Variants in DIP2C observed in about 807,000 individuals in gnomAD.
DIP2C encodes the protein disco-interacting protein 2 homolog C.
In DIP2C, 33 loss-of-function variants were observed where a neutral mutation model predicts 192.4. That is an observed-to-expected ratio of 0.17 (90% CI 0.13 to 0.23). DIP2C has a LOEUF of 0.23. DIP2C is among the 10% of genes least tolerant of loss of function. DIP2C has a pLI of 1.00. For synonymous variants in DIP2C, 979 were observed against 864.1 expected, an observed-to-expected ratio of 1.13 and a Z score of -2.33; for missense variants, 1,537 against 2,110.1, an observed-to-expected ratio of 0.73 and a Z score of 5.32.
At position 277,237 on chromosome 10, in the gene DIP2C, G is replaced by A; in HGVS notation, c.*88C>T. On this transcript the variant is annotated 3_prime_UTR_variant, in exon 37 of 37. Coordinates refer to ENST00000280886, the MANE Select transcript of DIP2C (RefSeq NM_014974.3). The stretch of plus-strand genomic sequence containing the variant: ...TCACCACAAATGGCTGTATTCTGGT[G>A]AGTGTTGCCCTGTGTCTGCACGCTT... 1.9e-6 allele frequency: 3 copies of A among 1,544,196 alleles called. No homozygotes were observed. The highest frequency in any genetic ancestry group is 3.5e-5 in the Admixed American group (2 of 56,656).
chr10:660,258 A>G (rs1412863562), intron 1 of DIP2C, among the ~76,000 whole-genome samples: 4 of 151,848 alleles, frequency 2.6e-5, no homozygotes, highest in African/African-American at 9.7e-5. Flanking sequence ...CGGAGATTCT[A>G]GCCCTTGTCC....
intron 1 of DIP2C, among the ~76,000 whole-genome samples, chr10:529,425 C>T (rs1202536351): frequency 6.6e-6 from 1 of 152,170 alleles, no homozygotes; most frequent in African/African-American, 2.4e-5. Flanking sequence ...CTATTCACCA[C>T]GTTGCCATGC....
At chr10:543,595 T>C (rs1047816603) in intron 1 of DIP2C, among the ~76,000 whole-genome samples, 1 of 152,216 alleles carries the variant, frequency 6.6e-6, no homozygotes, top group African/African-American at 2.4e-5. Flanking sequence ...GTATGGATCG[T>C]TGTGTCTCCT....
intron 1 of DIP2C, among the ~76,000 whole-genome samples, chr10:585,854 C>G (rs1371980367): frequency 6.6e-6 from 1 of 152,188 alleles, no homozygotes; most frequent in Non-Finnish European, 1.5e-5. Context: ...CCATTCAAGA[C>G]TGAATTTTAT....
intron 5 of DIP2C, among the ~76,000 whole-genome samples, chr10:421,108 T>A (rs1183713815): frequency 6.6e-6 from 1 of 152,222 alleles, no homozygotes; most frequent in Non-Finnish European, 1.5e-5. Flanking sequence ...TCCAAAAAAA[T>A]TTCAAAGTTA....
At position 532,625 on chromosome 10, in the gene DIP2C, ATGGGTG is replaced by A. The variant is rs1481299958; in HGVS notation, c.86-46101_86-46096del. ...AGAGAGTATGGGTGTGAGAGAGAGT[ATGGGTG>A]TGAGAGAGAGTATGGGTGTGAGAGA... On this transcript the variant is annotated intron_variant, in intron 1 of 36. Coordinates refer to ENST00000280886, the MANE Select transcript of DIP2C (RefSeq NM_014974.3). 5.9e-5 allele frequency among the ~76,000 whole-genome samples: 6 copies of A among 101,936 alleles called. 1 individual carries two copies. The highest frequency in any genetic ancestry group is 2.6e-4 in the African/African-American group (6 of 23,278). 66.9% of individuals were successfully genotyped at this position (101,936 alleles called of 152,430 possible).
intron 1 of DIP2C, among the ~76,000 whole-genome samples, chr10:543,578 A>C (rs920623521): frequency 1.3e-5 from 2 of 152,218 alleles, no homozygotes; most frequent in Admixed American, 1.3e-4. Flanking sequence ...ATAGGCTGTA[A>C]CATATAGTAT....
intron 1 of DIP2C, among the ~76,000 whole-genome samples, chr10:496,690 G>C (rs575179866): frequency 6.7e-6 from 1 of 149,638 alleles, no homozygotes; most frequent in African/African-American, 2.5e-5. Flanking sequence ...TACATTACTC[G>C]CAATACCCCA....
At chr10:280,438 C>A (rs1278303409) in intron 36 of DIP2C, among the ~76,000 whole-genome samples, 1 of 151,988 alleles carries the variant, frequency 6.6e-6, no homozygotes, top group Non-Finnish European at 1.5e-5. Context: ...CTAAAGCCAA[C>A]GGTGTTGAGT....
chr10:384,097 T>G lies in DIP2C; in HGVS notation c.1806A>C (p.Ala602=), dbSNP rs1276614068. Residue 602 remains alanine (A), a synonymous_variant, in exon 16 of 37, where the codon GCA becomes GCC. Transcript: ENST00000280886. ...KSRDMHWALV[A]HRDQRDINLS... ...GGTTGATGTCTCTCTGATCTCTGTG[T>G]GCTACTAATGCCCAATGCATATCCC... 6.2e-7 allele frequency: 1 copy of G among 1,611,372 alleles called. No individual in the cohort carries two copies. The highest frequency in any genetic ancestry group is 8.5e-7 in the Non-Finnish European group (1 of 1,179,466).
In DIP2C at chr10:579,709, TAC is replaced by T. The variant is rs1285703977; in HGVS notation, c.86-93181_86-93180del. 4.6e-5 allele frequency among the ~76,000 whole-genome samples: 7 copies of T among 152,082 alleles called. No homozygotes were observed. The East Asian group carries it at 9.6e-4, about 21-fold the overall frequency. On this transcript the variant is annotated intron_variant, in intron 1 of 36. Transcript: ENST00000280886. ...GTATAACATGTATGTACACATAGTG[TAC>T]ACACATCCATATCAATACAGCATAC...
intron 1 of DIP2C, among the ~76,000 whole-genome samples, chr10:544,316 A>T (rs1284982086): frequency 6.6e-6 from 1 of 152,242 alleles, no homozygotes; most frequent in East Asian, 1.9e-4. Context: ...CATTGTGTGC[A>T]AATTTTCTTT....
intron 10 of DIP2C, among the ~76,000 whole-genome samples, chr10:397,885 G>A (rs1433170497): frequency 6.6e-6 from 1 of 152,170 alleles, no homozygotes; most frequent in African/African-American, 2.4e-5. Flanking sequence ...CAGCCATGAT[G>A]GGAAGGAGGG....
chr10:326,994 G>T lies in DIP2C; in HGVS notation c.3924+12C>A. ...ACTTCCCACTCAGCACTGTGATGTC[G>T]CCGAATCTCACCTGCAAGCAAATCG... is the stretch of plus-strand genomic sequence containing the variant. On this transcript the variant is annotated intron_variant, in intron 31 of 36. Transcript: ENST00000280886. 6.2e-7 allele frequency: 1 copy of T among 1,606,558 alleles called. No individual in the cohort carries two copies. Among genetic ancestry groups the T allele is most frequent in the Non-Finnish European group, 8.5e-7 (1 of 1,176,320 alleles).
At chr10:292,640 A>C (rs1955548287) in intron 32 of DIP2C, among the ~76,000 whole-genome samples, 1 of 152,248 alleles carries the variant, frequency 6.6e-6, no homozygotes, top group Non-Finnish European at 1.5e-5. Flanking sequence ...CATGGCTGTC[A>C]CAAGAGGTCT....
At chr10:620,131 C>T (rs1381490878) in intron 1 of DIP2C, among the ~76,000 whole-genome samples, 2 of 152,186 alleles carry the variant, frequency 1.3e-5, no homozygotes, top group Non-Finnish European at 2.9e-5. Context: ...GACGCCACAG[C>T]CGATCTGGCT....
At chr10:347,743 C>G (rs1165275519) in intron 26 of DIP2C, among the ~76,000 whole-genome samples, 1 of 130,100 alleles carries the variant, frequency 7.7e-6, no homozygotes, top group Admixed American at 8.0e-5. Context: ...ATAGTTCTCC[C>G]GGAAACCCTA....
chr10:580,583 C>T (rs1466772075), intron 1 of DIP2C, among the ~76,000 whole-genome samples: 2 of 152,132 alleles, frequency 1.3e-5, no homozygotes, highest in East Asian at 1.9e-4. Context: ...ATGTAGTGTA[C>T]ATACCTATAC....
chr10:403,860 T>C lies in DIP2C; in HGVS notation c.1150-4641A>G, dbSNP rs1292432642. On this transcript the variant is annotated intron_variant, in intron 9 of 36. Coordinates refer to ENST00000280886, the MANE Select transcript of DIP2C (RefSeq NM_014974.3). ...GAATCCTGTGATTTTACACGTGTGG[T>C]GGCATTAGCATTACTCTTCCTTATG... 9.7e-5 allele frequency among the ~76,000 whole-genome samples: 10 copies of C among 102,632 alleles called. 1 individual carries two copies. The highest frequency in any genetic ancestry group is 3.0e-4 in the African/African-American group (8 of 26,778). 67.3% of individuals were successfully genotyped at this position (102,632 alleles called of 152,430 possible).
Sources: gnomAD v4.1 joint callset for allele counts (sites outside exome capture counted in the v4.1 genomes callset) on GRCh38, gnomAD v4.1.1 for gene constraint, MANE v1.5 for transcripts, NCBI Gene and HGNC (gene_info 2026-07-23, HGNC 2026-07-21) for gene names.